Variants in HECW2 observed in about 807,000 individuals in gnomAD.
HECW2 encodes the protein HECT, C2 and WW domain containing E3 ubiquitin protein ligase 2.
Under a neutral mutation model 175.2 loss-of-function variants are expected in HECW2, and 61 were observed. The observed-to-expected ratio is 0.35, with a 90% CI of 0.28 to 0.43. The LOEUF (loss-of-function observed/expected upper bound fraction) is 0.43, where lower values mean the gene tolerates loss of function less well. Among genes scored for constraint, HECW2 ranks in the 20% least tolerant of loss-of-function variants. HECW2 has a pLI of 1.00. For missense variants in HECW2, 1,524 were observed against 2,000.5 expected, an observed-to-expected ratio of 0.76 and a Z score of 4.54; for synonymous variants, 671 against 731.0, an observed-to-expected ratio of 0.92 and a Z score of 1.32.
At chr2:196,323,277 C>T (rs1032359633) in intron 6 of HECW2, among the ~76,000 whole-genome samples, 6 of 152,162 alleles carry the variant, frequency 3.9e-5, no homozygotes, top group Admixed American at 2.6e-4. Flanking sequence ...AAATTTGGAT[C>T]GGACATTAAT....
At chr2:196,424,109 T>G (rs1031313171) in intron 2 of HECW2, among the ~76,000 whole-genome samples, 3 of 152,236 alleles carry the variant, frequency 2.0e-5, no homozygotes, top group African/African-American at 7.2e-5. Flanking sequence ...TTCAAGCTTT[T>G]TCATTATTAT....
intron 21 of HECW2, among the ~76,000 whole-genome samples, chr2:196,231,571 G>A (rs547000147): frequency 6.6e-6 from 1 of 152,376 alleles, no homozygotes; most frequent in African/African-American, 2.4e-5. Flanking sequence ...GCAGAGTTGA[G>A]TAGGTGCCAT....
Position 196,195,229 on chromosome 2 carries a change from T to G in HECW2, c.*6048A>C, listed in dbSNP as rs1260670046. On this transcript the variant is annotated 3_prime_UTR_variant, in exon 29 of 29. Coordinates refer to ENST00000644978, the MANE Select transcript of HECW2 (RefSeq NM_001348768.2). ...TTCCTGAACATCATCCATTCTTTTT[T>G]ATGAAGGTGATAGTAACCAGAAGTT... The G allele has an allele frequency of 6.6e-6, 1 of 152,236 alleles. No individual in the cohort carries two copies. The highest frequency in any genetic ancestry group is 1.5e-5 in the Non-Finnish European group (1 of 68,030). The allele number at this position is 152,236 out of a possible 1,614,324, so 9.4% of individuals were successfully genotyped here. A position where few individuals can be genotyped will look rare whatever the true frequency, so the allele number is the denominator to read the frequency against.
chr2:196,535,625 C>T (rs759663148), intron 1 of HECW2, among the ~76,000 whole-genome samples: 9 of 152,250 alleles, frequency 5.9e-5, no homozygotes, highest in South Asian at 4.2e-4. Context: ...GTGGCACAGT[C>T]GACCCTAAAT....
chr2:196,546,940 G>A (rs1002069213), intron 1 of HECW2, among the ~76,000 whole-genome samples: 3 of 152,112 alleles, frequency 2.0e-5, no homozygotes, highest in Admixed American at 1.3e-4. Context: ...AGAGAAAGAG[G>A]AGAAGGAAAA....
At chr2:196,267,910 C>A (rs7584690) in intron 17 of HECW2, among the ~76,000 whole-genome samples, 52,284 of 152,064 alleles carry the variant, frequency 0.34, 10,502 homozygotes, top group African/African-American at 0.56. Context: ...GGACATATGC[C>A]AAGCTATGTT....
In HECW2 at chr2:196,547,172, C is replaced by T. The variant is rs375260278; in HGVS notation, c.-36+46336G>A. 3.9e-5 allele frequency among the ~76,000 whole-genome samples: 6 copies of T among 152,260 alleles called. No homozygotes were observed. In the East Asian group the frequency reaches 1.2e-3, roughly 29 times the overall value. On this transcript the variant is annotated intron_variant, in intron 1 of 28. Coordinates refer to ENST00000644978, the MANE Select transcript of HECW2 (RefSeq NM_001348768.2). ...TCAGAAATGTAGAAATGGGTTTTTA[C>T]TGTTAAAATCTAAGATGTTCAAGAC...
At chr2:196,248,973 G>A (rs10931734) in intron 19 of HECW2, among the ~76,000 whole-genome samples, 31,865 of 152,050 alleles carry the variant, frequency 0.21, 4,041 homozygotes, top group East Asian at 0.41. Context: ...TCTGCATCAT[G>A]ATTCATAGGC....
intron 2 of HECW2, among the ~76,000 whole-genome samples, chr2:196,367,372 G>C (rs1004679170): frequency 6.6e-6 from 1 of 152,108 alleles, no homozygotes; most frequent in Non-Finnish European, 1.5e-5. Context: ...TACATGGTAG[G>C]TGCCTATATT....
chr2:196,297,827 G>T (rs185973459), intron 13 of HECW2, among the ~76,000 whole-genome samples: 102 of 152,256 alleles, frequency 6.7e-4, no homozygotes, highest in Non-Finnish European at 8.5e-4. Context: ...AGAAATGTTT[G>T]CATAATATGT....
chr2:196,410,975 T>C (rs1388332526), intron 2 of HECW2, among the ~76,000 whole-genome samples: 1 of 151,894 alleles, frequency 6.6e-6, no homozygotes, highest in Non-Finnish European at 1.5e-5. Context: ...GGCAATGCAA[T>C]GGCTCAGCTA....
intron 1 of HECW2, among the ~76,000 whole-genome samples, chr2:196,580,709 G>A (rs955840334): frequency 4.0e-5 from 6 of 148,822 alleles, no homozygotes; most frequent in South Asian, 4.2e-4. Context: ...CTCATACATC[G>A]ATTAGAATAT....
At chr2:196,442,916 G>T (rs770861578) in intron 1 of HECW2, among the ~76,000 whole-genome samples, 2 of 152,012 alleles carry the variant, frequency 1.3e-5, no homozygotes, top group African/African-American at 2.4e-5. Context: ...ATCTTCGAGG[G>T]CTCCTTAGTT....
intron 10 of HECW2, among the ~76,000 whole-genome samples, chr2:196,313,175 T>TA: frequency 6.6e-6 from 1 of 152,300 alleles, no homozygotes; most frequent in South Asian, 2.1e-4. Context: ...AGCAATGGGT[T>TA]AAGTCACAAT....
chr2:196,278,453 G>A, intron 15 of HECW2, 75 bp downstream of exon 15: 13 of 1,396,120 alleles, frequency 9.3e-6, no homozygotes, highest in East Asian at 4.9e-5. Context: ...AAAAAAATCA[G>A]TCAAATTCCT....
intron 2 of HECW2, among the ~76,000 whole-genome samples, chr2:196,363,706 G>A (rs948003153): frequency 6.6e-6 from 1 of 152,078 alleles, no homozygotes; most frequent in East Asian, 1.9e-4. Flanking sequence ...CACCTGTAGT[G>A]CCAGCTACTC....
chr2:196,481,865 T>C (rs1686854336), intron 1 of HECW2, among the ~76,000 whole-genome samples: 1 of 152,156 alleles, frequency 6.6e-6, no homozygotes, highest in Non-Finnish European at 1.5e-5. Flanking sequence ...ATGAGACACC[T>C]TAAGAGACTG....
At chr2:196,434,970 T>C (rs945062033) in intron 1 of HECW2, among the ~76,000 whole-genome samples, 2 of 152,204 alleles carry the variant, frequency 1.3e-5, no homozygotes, top group African/African-American at 4.8e-5. Flanking sequence ...TTTTCTCCCA[T>C]CCTCCCATTG....
At chr2:196,343,078 G>A (rs1418096663) in intron 3 of HECW2, among the ~76,000 whole-genome samples, 1 of 150,262 alleles carries the variant, frequency 6.7e-6, no homozygotes, top group Non-Finnish European at 1.5e-5. Context: ...GTTTGTGTGT[G>A]TGTGTGTGTA....
Sources: allele counts gnomAD v4.1 joint callset (sites outside exome capture counted in the v4.1 genomes callset), GRCh38; gene constraint gnomAD v4.1.1; transcripts MANE v1.5; gene names NCBI Gene and HGNC (gene_info 2026-07-23, HGNC 2026-07-21).